ANO2: variants seen among roughly 807,000 people sequenced by gnomAD.
ANO2 encodes the protein anoctamin-2.
Under a neutral mutation model 124.2 loss-of-function variants are expected in ANO2, and 101 were observed. The ratio of observed to expected loss-of-function variants is 0.81; its 90% CI spans 0.69 to 0.96. The LOEUF is 0.96. Among genes scored for constraint, ANO2 ranks in the 40% least tolerant of loss-of-function variants. ANO2 has a pLI of 0.00. For missense variants in ANO2, 1,293 were observed against 1,274.5 expected (o/e 1.01, Z -0.22); for synonymous variants, 486 against 482.5 (o/e 1.01, Z -0.09).
At chr12:5,919,377 G>A (rs1338567985) in intron 3 of ANO2, among the ~76,000 whole-genome samples, 1 of 146,362 alleles carries the variant, frequency 6.8e-6, no homozygotes, top group Non-Finnish European at 1.5e-5. Context: ...AGGTCAAGGT[G>A]CCCAAAGCAG....
chr12:5,637,548 A>G (rs1032042048), intron 15 of ANO2, among the ~76,000 whole-genome samples: 1 of 152,130 alleles, frequency 6.6e-6, no homozygotes, highest in Non-Finnish European at 1.5e-5. Context: ...TGCTACTCAA[A>G]AATGTGGTCC....
chr12:5,633,363 C>G (rs1945831144), intron 16 of ANO2, among the ~76,000 whole-genome samples: 1 of 152,184 alleles, frequency 6.6e-6, no homozygotes, highest in African/African-American at 2.4e-5. Flanking sequence ...TCCTAAGCTA[C>G]TACCTCCCAT....
intron 19 of ANO2, among the ~76,000 whole-genome samples, chr12:5,603,452 A>C (rs1447763655): frequency 6.6e-6 from 1 of 152,240 alleles, no homozygotes; most frequent in African/African-American, 2.4e-5. Flanking sequence ...TTTACTAAAT[A>C]AATAATTTAC....
Position 5,859,992 on chromosome 12 carries a change from G to A in ANO2, c.535-5851C>T, listed in dbSNP as rs769681812. On this transcript the variant is annotated intron_variant, in intron 3 of 24. Transcript: ENST00000682330. ...TGACGTCTCACTCCCTCCCTACCCC[G>A]CTTCCTCTCTAAAGTTAACTCAACA... 7.9e-5 allele frequency among the ~76,000 whole-genome samples: 12 copies of A among 152,122 alleles called. 1 individual carries two copies. Among genetic ancestry groups the A allele is most frequent in the African/African-American group, 2.2e-4 (9 of 41,486 alleles).
At chr12:5,912,639 T>C (rs1015905176) in intron 3 of ANO2, among the ~76,000 whole-genome samples, 2 of 152,196 alleles carry the variant, frequency 1.3e-5, no homozygotes, top group African/African-American at 4.8e-5. Context: ...CCAGCCCTAC[T>C]GTGCCTCCCT....
At chr12:5,683,244 G>A (rs531651024) in intron 14 of ANO2, among the ~76,000 whole-genome samples, 1 of 152,256 alleles carries the variant, frequency 6.6e-6, no homozygotes, top group South Asian at 2.1e-4. Flanking sequence ...GCTCAGGTAA[G>A]AGCCTAAATT....
At chr12:5,765,080 G>A (rs1360768693) in intron 10 of ANO2, among the ~76,000 whole-genome samples, 1 of 152,196 alleles carries the variant, frequency 6.6e-6, no homozygotes, top group Non-Finnish European at 1.5e-5. Context: ...ACAGAGTCTA[G>A]AGACCTGGAA....
At position 5,696,514 on chromosome 12, in the gene ANO2, C is replaced by T. The variant is rs116731966; in HGVS notation, c.1545+36006G>A. Among the ~76,000 whole-genome samples the T allele has an allele frequency of 3.2e-3, 493 of 152,246 alleles. 1 individual carries two copies. The highest frequency in any genetic ancestry group is 0.011 in the African/African-American group (469 of 41,542). On this transcript the variant is annotated intron_variant, in intron 14 of 24. Coordinates refer to ENST00000682330, the MANE Select transcript of ANO2 (RefSeq NM_001364791.2). ...TGCTCACAAAACCCAGAAGTTGGCA[C>T]ACATTTTTTTTAAATGAGTTTTATC...
intron 24 of ANO2, 88 bp from the exon 25 acceptor site, chr12:5,563,656 T>C: frequency 6.5e-7 from 1 of 1,532,248 alleles, no homozygotes; most frequent in South Asian, 1.2e-5. Context: ...TCTGTGTCAA[T>C]CCTGGCTTTG....
intron 3 of ANO2, among the ~76,000 whole-genome samples, chr12:5,896,081 A>G (rs934018878): frequency 6.6e-6 from 1 of 152,168 alleles, no homozygotes; most frequent in Non-Finnish European, 1.5e-5. Context: ...GAGCTAAGCT[A>G]TGAGGACACA....
chr12:5,782,679 C>T (rs921503797), intron 10 of ANO2, among the ~76,000 whole-genome samples: 5 of 152,188 alleles, frequency 3.3e-5, no homozygotes, highest in African/African-American at 9.6e-5. Flanking sequence ...ATAGGTTTTT[C>T]GGGTGATTCT....
At position 5,849,831 on chromosome 12, in the gene ANO2, C is replaced by T. The variant is rs117668111; in HGVS notation, c.633+4212G>A. On this transcript the variant is annotated intron_variant, in intron 4 of 24. Coordinates refer to ENST00000682330, the MANE Select transcript of ANO2 (RefSeq NM_001364791.2). The stretch of plus-strand genomic sequence containing the variant: ...CATTCTTCCTCCACGCTCCCCTCGC[C>T]GCCAGGATGTGGCTCTCAGCAAATG... 4.9e-4 allele frequency among the ~76,000 whole-genome samples: 74 copies of T among 152,228 alleles called. 1 individual carries two copies. The East Asian group carries it at 0.01, about 21-fold the overall frequency.
intron 12 of ANO2, among the ~76,000 whole-genome samples, chr12:5,740,621 G>A (rs1951060907): frequency 6.6e-6 from 1 of 152,172 alleles, no homozygotes; most frequent in Non-Finnish European, 1.5e-5. Context: ...TGAAAAAGCT[G>A]TGGGCCTGCG....
intron 14 of ANO2, among the ~76,000 whole-genome samples, chr12:5,708,394 G>C (rs1016543787): frequency 1.6e-4 from 25 of 152,292 alleles, no homozygotes; most frequent in African/African-American, 6.0e-4. Context: ...TTCTTAGTCA[G>C]GGCTACCAAG....
At chr12:5,857,779 TA>T (rs1955147148) in intron 3 of ANO2, among the ~76,000 whole-genome samples, 1 of 128,930 alleles carries the variant, frequency 7.8e-6, no homozygotes, top group African/African-American at 3.6e-5. Context: ...ATGTGATAGA[TA>T]GATAGATAGA....
intron 14 of ANO2, among the ~76,000 whole-genome samples, chr12:5,665,796 G>A (rs755043945): frequency 3.3e-5 from 5 of 149,864 alleles, no homozygotes; most frequent in Admixed American, 6.7e-5. Context: ...GGGGAGTGAC[G>A]GCCAGGGAAT....
chr12:5,840,580 G>A (rs1030401192), intron 4 of ANO2, among the ~76,000 whole-genome samples: 60 of 152,104 alleles, frequency 3.9e-4, no homozygotes, highest in African/African-American at 1.3e-3. Flanking sequence ...CAATGACCCC[G>A]AAGATCAAGG....
intron 4 of ANO2, among the ~76,000 whole-genome samples, chr12:5,842,329 G>A (rs913903146): frequency 9.9e-5 from 15 of 152,092 alleles, no homozygotes; most frequent in Non-Finnish European, 1.9e-4. Context: ...TTGGATGGTC[G>A]GAGGGGTGGA....
intron 12 of ANO2, 66 bp downstream of exon 12, chr12:5,744,091 C>G: frequency 6.3e-7 from 1 of 1,589,688 alleles, no homozygotes; most frequent in Non-Finnish European, 8.6e-7. Flanking sequence ...ATGAGCTTTA[C>G]AGCTTGGTCA....
Sources: allele counts gnomAD v4.1 joint callset (sites outside exome capture counted in the v4.1 genomes callset), GRCh38; gene constraint gnomAD v4.1.1; transcripts MANE v1.5; gene names NCBI Gene and HGNC (gene_info 2026-07-23, HGNC 2026-07-21).